Variants in ROBO1 observed in about 807,000 individuals in gnomAD.
The protein encoded by ROBO1 is roundabout homolog 1.
A neutral mutation model predicts 195.9 loss-of-function variants in ROBO1; 149 were observed. That is an observed-to-expected ratio of 0.76 (90% CI 0.67 to 0.87). ROBO1 has a LOEUF of 0.87. Ranked by LOEUF, ROBO1 falls within the 40% of genes least tolerant of loss-of-function variation. ROBO1 has a pLI of 0.00. For synonymous variants in ROBO1, 816 were observed against 733.2 expected, an observed-to-expected ratio of 1.11 and a Z score of -1.82; for missense variants, 1,933 against 2,068.3, an observed-to-expected ratio of 0.93 and a Z score of 1.27.
Position 78,617,813 on chromosome 3 carries a change from C to A in ROBO1, c.4104G>T (p.Gly1368=). The change falls in exon 27 of 31, where the codon GGG becomes GGT. Residue 1368 remains glycine (G), a synonymous_variant. Coordinates refer to ENST00000464233, the MANE Select transcript of ROBO1 (RefSeq NM_002941.4). The stretch of plus-strand genomic sequence containing the variant: ...CTGAGCCCCAGCCGTTGATCATGGA[C>A]CCCGTGACAGAGCTCTCCAGGTCCC... The part of the protein sequence containing the change: ...SVGDLESSVT[G]SMINGWGSAS... 6.2e-7 allele frequency: 1 copy of A among 1,613,896 alleles called. No individual in the cohort carries two copies. Among genetic ancestry groups the A allele is most frequent in the African/African-American group, 1.3e-5 (1 of 75,036 alleles).
At chr3:79,420,952 G>T (rs932712552) in intron 2 of ROBO1, among the ~76,000 whole-genome samples, 7 of 151,946 alleles carry the variant, frequency 4.6e-5, no homozygotes, top group Non-Finnish European at 4.4e-5. Flanking sequence ...CTATTCACAA[G>T]AGCAAAGAAA....
intron 2 of ROBO1, among the ~76,000 whole-genome samples, chr3:79,273,098 A>T (rs771543489): frequency 6.6e-6 from 1 of 152,128 alleles, no homozygotes; most frequent in Non-Finnish European, 1.5e-5. Context: ...CTACCTTATA[A>T]GAAATGCTAA....
At chr3:79,205,015 GA>G (rs1227355959) in intron 2 of ROBO1, among the ~76,000 whole-genome samples, 14 of 149,816 alleles carry the variant, frequency 9.3e-5, no homozygotes, top group Non-Finnish European at 1.8e-4. Context: ...AGTTTTTAGA[GA>G]GAGTCTCACT....
At chr3:79,337,331 A>G (rs2034718445) in intron 2 of ROBO1, among the ~76,000 whole-genome samples, 4 of 152,186 alleles carry the variant, frequency 2.6e-5, no homozygotes, top group Admixed American at 2.6e-4. Context: ...CCATGTGTCA[A>G]GGGTGGGACG....
intron 25 of ROBO1, among the ~76,000 whole-genome samples, chr3:78,630,322 A>G (rs1705106396): frequency 6.6e-6 from 1 of 152,176 alleles, no homozygotes; most frequent in Non-Finnish European, 1.5e-5. Flanking sequence ...TATTGTGGAT[A>G]ATGAGATTTC....
In ROBO1 at chr3:78,940,537, A is replaced by C. The variant is rs187236108; in HGVS notation, c.173-1610T>G. ...TCAGCCTGACTTCTCTTAGCTCCAC[A>C]AGTACCTTGCGCATCCTCCTGCAAC... is the stretch of plus-strand genomic sequence containing the variant. On this transcript the variant is annotated intron_variant, in intron 3 of 30. Coordinates refer to ENST00000464233, the MANE Select transcript of ROBO1 (RefSeq NM_002941.4). Among the ~76,000 whole-genome samples, 70 of 152,288 alleles carry C rather than the reference A, an allele frequency of 4.6e-4. 1 individual carries two copies. The East Asian group carries it at 0.014, about 29-fold the overall frequency.
intron 1 of ROBO1, among the ~76,000 whole-genome samples, chr3:79,713,420 G>GTTA (rs2107243421): frequency 6.6e-6 from 1 of 152,204 alleles, no homozygotes; most frequent in African/African-American, 2.4e-5. Context: ...TAATTCATGG[G>GTTA]AGAAGGTCAA....
chr3:78,646,666 G>A (rs960635149), intron 20 of ROBO1, among the ~76,000 whole-genome samples: 9 of 150,044 alleles, frequency 6.0e-5, no homozygotes, highest in Admixed American at 5.3e-4. Flanking sequence ...AAGTCAAAGA[G>A]AAATGTTAAA....
At chr3:79,299,537 T>C (rs1346766650) in intron 2 of ROBO1, among the ~76,000 whole-genome samples, 1 of 152,196 alleles carries the variant, frequency 6.6e-6, no homozygotes, top group East Asian at 1.9e-4. Context: ...ATGTTAACAA[T>C]TAATACTATT....
At chr3:78,988,865 T>C (rs1187955231) in intron 3 of ROBO1, among the ~76,000 whole-genome samples, 1 of 152,150 alleles carries the variant, frequency 6.6e-6, no homozygotes, top group Non-Finnish European at 1.5e-5. Context: ...AGATCACATA[T>C]CACATACCTT....
intron 1 of ROBO1, among the ~76,000 whole-genome samples, chr3:79,637,102 A>G (rs536634615): frequency 3.5e-4 from 54 of 152,224 alleles, no homozygotes; most frequent in Non-Finnish European, 6.8e-4. Context: ...ACATGTGTCC[A>G]GACGCTATGG....
chr3:79,216,921 G>A (rs573968968), intron 2 of ROBO1, among the ~76,000 whole-genome samples: 1 of 151,958 alleles, frequency 6.6e-6, no homozygotes, highest in African/African-American at 2.4e-5. Context: ...TGTGTCGAAT[G>A]GTTCTGCCCT....
In ROBO1 at chr3:78,661,065, T is replaced by A; in HGVS notation, c.2285A>T (p.Asp762Val). ...GGTTTTGGCAAACTTGATTTCACTA[T>A]CTGCTCCTTGAAATTCATTAAAAAA... ...RPFFNEFQGA[D>V]SEIKFAKTLE... is the part of the protein sequence containing the mutation. The change falls in exon 16 of 31, where the codon GAT (aspartate) becomes GTT (valine). Residue 762 changes from aspartate (D) to valine (V), a missense_variant. Coordinates refer to ENST00000464233, the MANE Select transcript of ROBO1 (RefSeq NM_002941.4). 1 of 1,613,466 alleles carries A rather than the reference T, an allele frequency of 6.2e-7. No individual in the cohort carries two copies. The highest frequency in any genetic ancestry group is 1.1e-5 in the South Asian group (1 of 90,938).
At chr3:79,696,219 G>A (rs1283291466) in intron 1 of ROBO1, among the ~76,000 whole-genome samples, 2 of 151,278 alleles carry the variant, frequency 1.3e-5, no homozygotes, top group East Asian at 3.9e-4. Context: ...AATCCCTTCA[G>A]CTGATTCCCA....
chr3:79,019,726 G>C (rs2078058425), intron 3 of ROBO1, among the ~76,000 whole-genome samples: 1 of 151,952 alleles, frequency 6.6e-6, no homozygotes, highest in Non-Finnish European at 1.5e-5. Flanking sequence ...TAGCTCCCCT[G>C]CACCTTTCTC....
intron 2 of ROBO1, among the ~76,000 whole-genome samples, chr3:79,481,187 T>C (rs2107379594): frequency 6.6e-6 from 1 of 151,918 alleles, no homozygotes; most frequent in Middle Eastern, 3.4e-3. Context: ...CCAAGGAGAG[T>C]ATGAACAGAA....
intron 10 of ROBO1, among the ~76,000 whole-genome samples, chr3:78,674,939 T>G (rs562619975): frequency 5.3e-5 from 8 of 152,270 alleles, no homozygotes; most frequent in African/African-American, 1.9e-4. Flanking sequence ...ATTATTGAAT[T>G]CACTATATGG....
chr3:79,466,864 A>G (rs962965754), intron 2 of ROBO1, among the ~76,000 whole-genome samples: 21 of 152,216 alleles, frequency 1.4e-4, no homozygotes, highest in African/African-American at 5.1e-4. Context: ...ATTCTTCAGG[A>G]GCAGACTATT....
intron 2 of ROBO1, chr3:79,512,747 G>T (rs899600319): frequency 6.6e-6 from 1 of 152,072 alleles, no homozygotes; most frequent in African/African-American, 2.4e-5. Flanking sequence ...GGGAAAACCT[G>T]GTGTTAGACA....
Sources: allele counts gnomAD v4.1 joint callset (sites outside exome capture counted in the v4.1 genomes callset), GRCh38; gene constraint gnomAD v4.1.1; transcripts MANE v1.5; gene names NCBI Gene and HGNC (gene_info 2026-07-23, HGNC 2026-07-21).